Variants in MRPS28 observed in about 807,000 individuals in gnomAD.
MRPS28 encodes small ribosomal subunit protein bS1m.
In MRPS28, 7 loss-of-function variants were observed where a neutral mutation model predicts 10.8. The ratio of observed to expected loss-of-function variants is 0.65; its 90% CI spans 0.37 to 1.22. The LOEUF is 1.22. Among genes scored for constraint, MRPS28 ranks in the 50% most tolerant of loss-of-function variants. MRPS28 has a pLI of 0.02. For missense variants in MRPS28, 265 were observed against 232.9 expected (o/e 1.14, Z -0.90); for synonymous variants, 121 against 93.3 (o/e 1.30, Z -1.71).
At chr8:79,922,367 T>A (rs1810117153) in intron 2 of MRPS28, among the ~76,000 whole-genome samples, 1 of 152,066 alleles carries the variant, frequency 6.6e-6, no homozygotes, top group Admixed American at 6.6e-5. Context: ...GGATACAAAA[T>A]TTCAGTTAGA....
intron 2 of MRPS28, among the ~76,000 whole-genome samples, chr8:79,971,683 G>A (rs1357494928): frequency 7.9e-5 from 12 of 152,116 alleles, no homozygotes; most frequent in South Asian, 4.1e-4. Flanking sequence ...GTTGTATCAC[G>A]TCTTAGTACT....
At chr8:79,968,474 G>C (rs1807553398) in intron 2 of MRPS28, among the ~76,000 whole-genome samples, 1 of 152,018 alleles carries the variant, frequency 6.6e-6, no homozygotes, top group South Asian at 2.1e-4. Flanking sequence ...ATCAATCTTT[G>C]TATCTGTGTT....
At chr8:80,017,115 C>T (rs370935955) in intron 1 of MRPS28, among the ~76,000 whole-genome samples, 2 of 152,264 alleles carry the variant, frequency 1.3e-5, no homozygotes, top group African/African-American at 4.8e-5. Flanking sequence ...TCAGACCACA[C>T]TAGAATTTAA....
intron 2 of MRPS28, among the ~76,000 whole-genome samples, chr8:79,971,627 T>A (rs1807636374): frequency 6.6e-6 from 1 of 152,228 alleles, no homozygotes; most frequent in Admixed American, 6.5e-5. Flanking sequence ...TAGTCCTTTG[T>A]GACCAGCTTC....
At chr8:80,018,295 C>CAA (rs55883340) in intron 1 of MRPS28, among the ~76,000 whole-genome samples, 34,753 of 53,116 alleles carry the variant, frequency 0.65, 11,075 homozygotes, top group East Asian at 0.73. Context: ...TACTCTGTCT[C>CAA]AAAAAAAAAA....
At chr8:80,011,480 A>G (rs1196781669) in intron 1 of MRPS28, among the ~76,000 whole-genome samples, 1 of 151,486 alleles carries the variant, frequency 6.6e-6, no homozygotes, top group Non-Finnish European at 1.5e-5. Flanking sequence ...GGGGCTAGGC[A>G]TTGTGGCTCA....
chr8:79,931,912 T>A (rs1347269456), intron 2 of MRPS28, among the ~76,000 whole-genome samples: 1 of 152,222 alleles, frequency 6.6e-6, no homozygotes, highest in East Asian at 1.9e-4. Context: ...AGCAACAGCA[T>A]CCGGACTTTT....
chr8:79,973,863 A>T (rs938822125), intron 2 of MRPS28, among the ~76,000 whole-genome samples: 1 of 151,880 alleles, frequency 6.6e-6, no homozygotes, highest in Non-Finnish European at 1.5e-5. Flanking sequence ...AGAAAGAAAG[A>T]AAGTGAAGAA....
intron 1 of MRPS28, among the ~76,000 whole-genome samples, chr8:80,012,620 T>C (rs1809083815): frequency 6.6e-6 from 1 of 152,210 alleles, no homozygotes; most frequent in African/African-American, 2.4e-5. Context: ...AGGTACTAAC[T>C]TGGAGTTGAC....
At chr8:80,009,621 G>C (rs904678818) in intron 1 of MRPS28, among the ~76,000 whole-genome samples, 3 of 144,446 alleles carry the variant, frequency 2.1e-5, no homozygotes, top group Non-Finnish European at 4.6e-5. Context: ...TCTCAAAAAA[G>C]AAAAAAAAAA....
At chr8:80,013,634 C>CAAA (rs5892700) in intron 1 of MRPS28, among the ~76,000 whole-genome samples, 3 of 75,608 alleles carry the variant, frequency 4.0e-5, no homozygotes, top group Non-Finnish European at 7.5e-5. Context: ...GACTCCATCT[C>CAAA]AAAAAAAAAA....
At chr8:80,002,727 T>C (rs775991645) in intron 2 of MRPS28, among the ~76,000 whole-genome samples, 38 of 152,066 alleles carry the variant, frequency 2.5e-4, no homozygotes, top group Non-Finnish European at 3.2e-4. Context: ...TATTACAAAG[T>C]TGGTTTTAAG....
At chr8:79,988,360 C>T (rs930002120) in intron 2 of MRPS28, among the ~76,000 whole-genome samples, 7 of 150,496 alleles carry the variant, frequency 4.7e-5, no homozygotes, top group African/African-American at 1.2e-4. Flanking sequence ...CAGCATGGCA[C>T]GTGTATATGT....
At chr8:79,971,175 T>C (rs376003256) in intron 2 of MRPS28, among the ~76,000 whole-genome samples, 1 of 152,212 alleles carries the variant, frequency 6.6e-6, no homozygotes, top group East Asian at 1.9e-4. Context: ...ATTTAAATAA[T>C]GGATTTTAGA....
intron 2 of MRPS28, among the ~76,000 whole-genome samples, chr8:79,938,844 A>G (rs1806680340): frequency 1.3e-5 from 2 of 152,224 alleles, no homozygotes; most frequent in South Asian, 4.1e-4. Flanking sequence ...GGGAGCCCCA[A>G]TTTGATCAAA....
At chr8:80,004,432 G>A (rs1385108518) in intron 1 of MRPS28, among the ~76,000 whole-genome samples, 1 of 152,180 alleles carries the variant, frequency 6.6e-6, no homozygotes, top group Non-Finnish European at 1.5e-5. Context: ...GGTCCTGACT[G>A]TTAGAAAGAA....
intron 2 of MRPS28, among the ~76,000 whole-genome samples, chr8:79,976,393 C>A (rs1218934224): frequency 6.6e-6 from 1 of 152,140 alleles, no homozygotes; most frequent in Non-Finnish European, 1.5e-5. Flanking sequence ...TTGTTAAGAA[C>A]CTTTTTTAAA....
intron 1 of MRPS28, among the ~76,000 whole-genome samples, chr8:80,006,569 T>C (rs1000047104): frequency 3.3e-5 from 5 of 151,846 alleles, no homozygotes; most frequent in African/African-American, 1.2e-4. Context: ...ATAGACGCAA[T>C]AAAAAATGAT....
rs556449373 is a variant in MRPS28 at position 79,950,123 on chromosome 8, G to A, written c.396-30975C>T. On this transcript the variant is annotated intron_variant, in intron 2 of 2. Coordinates refer to ENST00000276585, the MANE Select transcript of MRPS28 (RefSeq NM_014018.3). ...CTAGTTTCTAGATTTAGATGGCAGG[G>A]AATTTCCAGATTATTTAACTAGTAA... Among the ~76,000 whole-genome samples, 279 of 152,182 alleles carry A rather than the reference G, an allele frequency of 1.8e-3. 2 individuals are homozygous for A. Among genetic ancestry groups the A allele is most frequent in the Non-Finnish European group, 2.6e-3 (180 of 67,986 alleles).
Sources: gnomAD v4.1 joint callset for allele counts (sites outside exome capture counted in the v4.1 genomes callset) on GRCh38, gnomAD v4.1.1 for gene constraint, MANE v1.5 for transcripts, NCBI Gene and HGNC (gene_info 2026-07-23, HGNC 2026-07-21) for gene names.